Variants in ANKRD31 observed in about 807,000 individuals in gnomAD.
ANKRD31 encodes the protein ankyrin repeat domain-containing protein 31.
A neutral mutation model predicts 186.0 loss-of-function variants in ANKRD31; 147 were observed. The observed-to-expected ratio is 0.79, with a 90% confidence interval of 0.69 to 0.91. ANKRD31 has a LOEUF of 0.91. Ranked by LOEUF, ANKRD31 falls within the 40% of genes least tolerant of loss-of-function variation. The probability of loss-of-function intolerance (pLI) is 0.00; values close to 1 mark genes in which losing one functional copy is unlikely to be tolerated. For synonymous variants in ANKRD31, 673 were observed against 736.4 expected, an observed-to-expected ratio of 0.91 and a Z score of 1.39; for missense variants, 1,986 against 2,148.8, an observed-to-expected ratio of 0.92 and a Z score of 1.50.
chr5:75,190,976 TA>T (rs1223276890), intron 9 of ANKRD31, among the ~76,000 whole-genome samples: 4 of 152,246 alleles, frequency 2.6e-5, no homozygotes, highest in Non-Finnish European at 5.9e-5. Context: ...ACAATTTTTT[TA>T]AATGTATGTA....
At chr5:75,194,565 C>T (rs1316612763) in intron 7 of ANKRD31, among the ~76,000 whole-genome samples, 1 of 151,908 alleles carries the variant, frequency 6.6e-6, no homozygotes. Context: ...AGGATGTTCA[C>T]AGAAACATTT....
intron 11 of ANKRD31, among the ~76,000 whole-genome samples, chr5:75,168,242 C>G (rs1260065267): frequency 6.6e-6 from 1 of 152,122 alleles, no homozygotes; most frequent in East Asian, 1.9e-4. Context: ...TGTAAATAGG[C>G]AGAACAAATC....
intron 25 of ANKRD31, among the ~76,000 whole-genome samples, chr5:75,069,497 C>T (rs897599673): frequency 6.6e-6 from 1 of 152,086 alleles, no homozygotes; most frequent in Non-Finnish European, 1.5e-5. Context: ...CAGAACATAT[C>T]CCATTCAGAG....
At chr5:75,096,876 G>A (rs569619972) in intron 22 of ANKRD31, among the ~76,000 whole-genome samples, 12 of 132,474 alleles carry the variant, frequency 9.1e-5, no homozygotes, top group African/African-American at 3.5e-4. Flanking sequence ...TGTTCTCACT[G>A]TTCAATTCCC....
intron 6 of ANKRD31, among the ~76,000 whole-genome samples, chr5:75,196,668 G>A (rs942646149): frequency 5.9e-5 from 9 of 152,138 alleles, no homozygotes; most frequent in Non-Finnish European, 7.3e-5. Context: ...ATAAGTAAAT[G>A]TGGAGTAAAG....
rs183361010 is a variant in ANKRD31 at position 75,175,218 on chromosome 5, G to A, written c.1565-6097C>T. 1.1e-3 allele frequency among the ~76,000 whole-genome samples: 165 copies of A among 152,246 alleles called. 1 individual carries two copies. Among genetic ancestry groups the A allele is most frequent in the African/African-American group, 3.4e-3 (143 of 41,558 alleles). ...CACAGGGCGGGGAACATCACACACT[G>A]AGGCCTGTCGGGTCGGGCAGTTGCC... On this transcript the variant is annotated intron_variant, in intron 10 of 25. Coordinates refer to ENST00000506364, the MANE Select transcript of ANKRD31 (RefSeq NM_001372053.1).
rs1752198145 is a variant in ANKRD31, at chr5:75,156,638, A to T, written c.1708-2293T>A. ...CTTCAATTATCTCAGTGAGCCTTAA[A>T]TACCATCACAAGCATCCTTAAGAAA... On this transcript the variant is annotated intron_variant, in intron 11 of 25. Transcript: ENST00000506364. 1.3e-5 allele frequency among the ~76,000 whole-genome samples: 2 copies of T among 152,220 alleles called. 1 individual carries two copies. Among genetic ancestry groups the T allele is most frequent in the South Asian group, 4.1e-4 (2 of 4,832 alleles).
At chr5:75,174,985 C>T (rs61495789) in intron 10 of ANKRD31, among the ~76,000 whole-genome samples, 7,444 of 152,234 alleles carry the variant, frequency 0.049, 397 homozygotes, top group African/African-American at 0.13. Context: ...AACCCAAATG[C>T]CCATCAGTGA....
intron 10 of ANKRD31, among the ~76,000 whole-genome samples, chr5:75,179,590 C>G (rs1754113071): frequency 6.6e-6 from 1 of 152,174 alleles, no homozygotes; most frequent in Non-Finnish European, 1.5e-5. Flanking sequence ...ATATGAAAAT[C>G]AATAAACGTA....
At chr5:75,173,412 G>A (rs1214339684) in intron 10 of ANKRD31, among the ~76,000 whole-genome samples, 1 of 152,024 alleles carries the variant, frequency 6.6e-6, no homozygotes, top group Non-Finnish European at 1.5e-5. Context: ...GAAATAAAGA[G>A]GATTCAATTA....
chr5:75,175,845 G>A (rs149540079), intron 10 of ANKRD31, among the ~76,000 whole-genome samples: 579 of 152,146 alleles, frequency 3.8e-3, no homozygotes, highest in African/African-American at 0.013. Context: ...TTCCAACTGC[G>A]GTACCGAGTT....
rs903683279 is a variant in ANKRD31 at position 75,107,637 on chromosome 5, A to T, written c.4244-20T>A. 1 of 1,436,976 alleles carries T rather than the reference A, an allele frequency of 7.0e-7. No individual in the cohort carries two copies. The highest frequency in any genetic ancestry group is 9.3e-7 in the Non-Finnish European group (1 of 1,075,074). The allele number at this position is 1,436,976 out of a possible 1,614,324, so 89.0% of individuals were successfully genotyped here. On this transcript the variant is annotated intron_variant, in intron 20 of 25. Coordinates refer to ENST00000506364, the MANE Select transcript of ANKRD31 (RefSeq NM_001372053.1). ...ATTGTTCTAGAAACATGACAATAAA[A>T]AGTTAGCTAACTGAGGGAGAGTGAA...
intron 1 of ANKRD31, 36 bp from the exon 2 acceptor site, chr5:75,230,671 A>G: frequency 6.9e-7 from 1 of 1,450,680 alleles, no homozygotes. Context: ...CAAGTTGTTA[A>G]TGTGTCTTAA....
intron 10 of ANKRD31, among the ~76,000 whole-genome samples, chr5:75,180,514 T>C (rs1474051971): frequency 1.3e-5 from 2 of 152,156 alleles, no homozygotes; most frequent in Non-Finnish European, 2.9e-5. Flanking sequence ...CAAAACAGCA[T>C]GGTACTGGTA....
At chr5:75,132,248 G>A (rs988499506) in intron 17 of ANKRD31, among the ~76,000 whole-genome samples, 6 of 152,188 alleles carry the variant, frequency 3.9e-5, no homozygotes, top group African/African-American at 9.7e-5. Flanking sequence ...CAAACTCATC[G>A]CAAAGAACCT....
intron 25 of ANKRD31, among the ~76,000 whole-genome samples, chr5:75,076,504 T>C (rs890676557): frequency 1.3e-5 from 2 of 152,200 alleles, no homozygotes. Flanking sequence ...CATGCCACTC[T>C]CCCAGCACCC....
intron 5 of ANKRD31, 66 bp downstream of exon 5, chr5:75,206,345 T>G (rs1462441453): frequency 2.8e-6 from 2 of 720,192 alleles, no homozygotes; most frequent in Admixed American, 9.6e-5. Context: ...AATGTATATC[T>G]AACTAAGTCT....
At chr5:75,170,812 T>G (rs1190732906) in intron 10 of ANKRD31, among the ~76,000 whole-genome samples, 2 of 152,002 alleles carry the variant, frequency 1.3e-5, no homozygotes, top group Admixed American at 6.6e-5. Flanking sequence ...GCAGTAAACA[T>G]AAGAAGGCTA....
chr5:75,158,484 A>C (rs572157811), intron 11 of ANKRD31, among the ~76,000 whole-genome samples: 2 of 152,230 alleles, frequency 1.3e-5, no homozygotes, highest in East Asian at 3.9e-4. Flanking sequence ...CATTATCTTA[A>C]ATGTCCAGTT....
Sources: allele counts gnomAD v4.1 joint callset (sites outside exome capture counted in the v4.1 genomes callset), GRCh38; gene constraint gnomAD v4.1.1; transcripts MANE v1.5; gene names NCBI Gene and HGNC (gene_info 2026-07-23, HGNC 2026-07-21).